Variants in COL5A2 observed in about 807,000 individuals in gnomAD.
COL5A2 encodes the protein collagen type V alpha 2 chain.
Under a neutral mutation model 208.2 loss-of-function variants are expected in COL5A2, and 23 were observed. That is an observed-to-expected ratio of 0.11 (90% confidence interval 0.08 to 0.16). The LOEUF (loss-of-function observed/expected upper bound fraction) is 0.16, where lower values mean the gene tolerates loss of function less well. Ranked by LOEUF, COL5A2 falls within the 10% of genes least tolerant of loss-of-function variation. The probability of loss-of-function intolerance (pLI) is 1.00; values close to 1 mark genes in which losing one functional copy is unlikely to be tolerated. For synonymous variants in COL5A2, 625 were observed against 628.5 expected (o/e 0.99, Z 0.08); for missense variants, 1,590 against 1,956.4 (o/e 0.81, Z 3.53).
chr2:189,223,628 A>G (rs35772309), intron 1 of COL5A2, among the ~76,000 whole-genome samples: 95,694 of 152,076 alleles, frequency 0.63, 31,035 homozygotes, highest in East Asian at 0.73. Flanking sequence ...ATACAGCAAT[A>G]AAAATGAATG....
the COL5A2 span, among the ~76,000 whole-genome samples, chr2:189,397,788 CTTG>C: frequency 2.0e-5 from 3 of 151,642 alleles, no homozygotes; most frequent in South Asian, 2.1e-4. Context: ...TTCTTATAAA[CTTG>C]TTTTCTATTT....
chr2:189,401,096 G>A, the COL5A2 span, among the ~76,000 whole-genome samples: 1 of 152,060 alleles, frequency 6.6e-6, no homozygotes, highest in African/African-American at 2.4e-5. Flanking sequence ...TACATGTGCA[G>A]GTTTGTTACA....
the COL5A2 span, among the ~76,000 whole-genome samples, chr2:189,293,582 G>T: frequency 6.6e-6 from 1 of 152,140 alleles, no homozygotes; most frequent in African/African-American, 2.4e-5. Context: ...GAATTAAGTC[G>T]TGAAGGCGAA....
the COL5A2 span, among the ~76,000 whole-genome samples, chr2:189,273,361 A>G: frequency 6.6e-6 from 1 of 152,160 alleles, no homozygotes; most frequent in African/African-American, 2.4e-5. Context: ...AAAAGTGTTA[A>G]CAGGGATGTG....
Position 189,045,902 on chromosome 2 carries a change from A to G in COL5A2, c.3207T>C (p.Asp1069=). Residue 1069 remains aspartate (D), a synonymous_variant, in exon 46 of 54, where the codon GAT becomes GAC. Transcript: ENST00000374866. The part of the protein sequence containing the change: ...GRDGAVGERG[D]RGDPGPAGLP... ...GACCTGCAGGCCCAGGGTCTCCACGATCACCCTAACAAGAATAACCATGAT... is the reference window on the plus strand; with the variant it reads ...GACCTGCAGGCCCAGGGTCTCCACGGTCACCCTAACAAGAATAACCATGAT... 6.2e-7 allele frequency: 1 copy of G among 1,613,636 alleles called. No homozygotes were observed. The highest frequency in any genetic ancestry group is 8.5e-7 in the Non-Finnish European group (1 of 1,179,548).
the COL5A2 span, among the ~76,000 whole-genome samples, chr2:189,416,594 G>A: frequency 6.6e-6 from 1 of 152,166 alleles, no homozygotes; most frequent in Non-Finnish European, 1.5e-5. Context: ...ATAGCATTAG[G>A]AGATATACCT....
At chr2:189,226,028 G>C (rs1334140048), upstream of COL5A2, among the ~76,000 whole-genome samples, 1 of 152,018 alleles carries the variant, frequency 6.6e-6, no homozygotes, top group African/African-American at 2.4e-5. Context: ...TTACAAAATT[G>C]GAAAACAAAG....
rs193166194 is a variant in COL5A2, at chr2:189,143,428, G to T, written c.98-32979C>A. Among the ~76,000 whole-genome samples, 9 of 152,212 alleles carry T rather than the reference G, an allele frequency of 5.9e-5. No homozygotes were observed. The East Asian group carries it at 1.4e-3, about 23-fold the overall frequency. The stretch of plus-strand genomic sequence containing the variant: ...TATTTCAGACAAAAGGTGTATAAAG[G>T]CCTACTCTAACCCTGTAACTGAGGT... On this transcript the variant is annotated intron_variant, in intron 1 of 53. Transcript: ENST00000374866.
At chr2:189,370,607 CACAT>C in the COL5A2 span, among the ~76,000 whole-genome samples, 272 of 152,096 alleles carry the variant, frequency 1.8e-3, no homozygotes, top group Admixed American at 3.7e-3. Context: ...AATGTATAAC[CACAT>C]ACAATCATAC....
In COL5A2 at chr2:189,117,590, AT is replaced by A. The variant is rs139628625; in HGVS notation, c.98-7142del. On this transcript the variant is annotated intron_variant, in intron 1 of 53. Transcript: ENST00000374866. ...AAAGGAGAAGTAAATATTCAGTAAT[AT>A]ATAGTATCCACATTCCAGATTTCCT... Among the ~76,000 whole-genome samples, 139 of 152,222 alleles carry A rather than the reference AT, an allele frequency of 9.1e-4. 1 individual carries two copies. Among genetic ancestry groups the A allele is most frequent in the African/African-American group, 3.2e-3 (135 of 41,546 alleles).
the COL5A2 span, among the ~76,000 whole-genome samples, chr2:189,307,572 T>G: frequency 6.6e-6 from 1 of 152,260 alleles, no homozygotes; most frequent in African/African-American, 2.4e-5. Context: ...TCAGAGGCCA[T>G]CGAACCAGAG....
At chr2:189,184,334 G>A (rs370684789), upstream of COL5A2, among the ~76,000 whole-genome samples, 1 of 151,964 alleles carries the variant, frequency 6.6e-6, no homozygotes, top group East Asian at 1.9e-4. Flanking sequence ...AACAGCAAGT[G>A]GGAATGGCCT....
At chr2:189,363,472 G>A in the COL5A2 span, among the ~76,000 whole-genome samples, 4 of 150,422 alleles carry the variant, frequency 2.7e-5, no homozygotes, top group South Asian at 2.1e-4. Context: ...TTGCTTTTTC[G>A]CATGCTAAAG....
intron 34 of COL5A2, 93 bp from the exon 35 acceptor site, chr2:189,057,119 T>C: frequency 7.1e-7 from 1 of 1,403,074 alleles, no homozygotes; most frequent in Admixed American, 1.7e-5. Context: ...TAATTGTCAT[T>C]TTCCTAGTCG....
At chr2:189,104,904 T>C (rs1034316855) in intron 2 of COL5A2, among the ~76,000 whole-genome samples, 4 of 151,792 alleles carry the variant, frequency 2.6e-5, no homozygotes, top group African/African-American at 9.7e-5. Flanking sequence ...GTATATAGTT[T>C]CTTTATTGTT....
chr2:189,204,566 A>G (rs1281346291), intron 1 of COL5A2, among the ~76,000 whole-genome samples: 2 of 152,200 alleles, frequency 1.3e-5, no homozygotes, highest in African/African-American at 4.8e-5. Flanking sequence ...TTTCGAACTA[A>G]TGAATCCATT....
chr2:189,339,030 C>T, the COL5A2 span, among the ~76,000 whole-genome samples: 1 of 152,142 alleles, frequency 6.6e-6, no homozygotes, highest in Admixed American at 6.5e-5. Flanking sequence ...AGCCTAGACA[C>T]ATGTTTAGTG....
At chr2:189,330,930 T>C in the COL5A2 span, among the ~76,000 whole-genome samples, 8 of 152,182 alleles carry the variant, frequency 5.3e-5, no homozygotes, top group East Asian at 1.5e-3. Context: ...TGAGTATATA[T>C]GTGATCCAGA....
At chr2:189,131,782 T>C (rs1245069921) in intron 1 of COL5A2, among the ~76,000 whole-genome samples, 1 of 152,202 alleles carries the variant, frequency 6.6e-6, no homozygotes, top group African/African-American at 2.4e-5. Context: ...AGTTTTAGAG[T>C]TCCTCTAAGA....
Sources: gnomAD v4.1 joint callset for allele counts (sites outside exome capture counted in the v4.1 genomes callset) on GRCh38, gnomAD v4.1.1 for gene constraint, MANE v1.5 for transcripts, NCBI Gene and HGNC (gene_info 2026-07-23, HGNC 2026-07-21) for gene names.